AIG1: variants seen among roughly 807,000 people sequenced by gnomAD.
AIG1 encodes the protein androgen-induced gene 1 protein.
In AIG1, 23 loss-of-function variants were observed where a neutral mutation model predicts 31.4. The observed-to-expected ratio is 0.73, with a 90% CI of 0.53 to 1.04. The LOEUF (loss-of-function observed/expected upper bound fraction) is 1.04, where lower values mean the gene tolerates loss of function less well. AIG1 is among the 50% of genes least tolerant of loss of function. AIG1 has a pLI of 0.00. For synonymous variants in AIG1, 100 were observed against 110.5 expected, an observed-to-expected ratio of 0.90 and a Z score of 0.60; for missense variants, 274 against 295.0, an observed-to-expected ratio of 0.93 and a Z score of 0.52.
chr6:143,187,479 A>T (rs946030490), intron 3 of AIG1: 1 of 1,535,642 alleles, frequency 6.5e-7, no homozygotes. Flanking sequence ...ACTCTGCTCA[A>T]TTGAAGACAT....
intron 3 of AIG1, among the ~76,000 whole-genome samples, chr6:143,277,379 G>T (rs562355182): frequency 7.5e-4 from 114 of 152,164 alleles, no homozygotes; most frequent in Admixed American, 1.9e-3. Flanking sequence ...TCCCATCTTC[G>T]TAGGCAAGTC....
chr6:143,081,099 C>T (rs1416744921), intron 1 of AIG1, among the ~76,000 whole-genome samples: 1 of 152,176 alleles, frequency 6.6e-6, no homozygotes, highest in African/African-American at 2.4e-5. Flanking sequence ...CTCATATGGA[C>T]TAAGTCCTGC....
chr6:143,161,102 G>A (rs1786333211), intron 2 of AIG1, among the ~76,000 whole-genome samples: 1 of 152,002 alleles, frequency 6.6e-6, no homozygotes, highest in Non-Finnish European at 1.5e-5. Flanking sequence ...TTTCCATGAT[G>A]GAATAGTAAG....
chr6:143,336,598 TG>T (rs1290776185), intron 5 of AIG1, among the ~76,000 whole-genome samples: 1 of 152,216 alleles, frequency 6.6e-6, no homozygotes, highest in Non-Finnish European at 1.5e-5. Context: ...TTTCAGCATA[TG>T]AATTTGGAAG....
rs578150684 is a variant in AIG1, at chr6:143,233,068, T to G, written c.400-51042T>G. 4.6e-5 allele frequency among the ~76,000 whole-genome samples: 7 copies of G among 152,194 alleles called. No homozygotes were observed. The South Asian group carries it at 1.5e-3, about 32-fold the overall frequency. On this transcript the variant is annotated intron_variant, in intron 3 of 5. Transcript: ENST00000357847. ...CCACCACCAGAGGGAGGTATTGCCC[T>G]CTCTGGTGGAGTTGATATCCATGAG...
At position 143,273,889 on chromosome 6, in the gene AIG1, A is replaced by G. The variant is rs376395489; in HGVS notation, c.400-10221A>G. Among the ~76,000 whole-genome samples, 7 of 152,288 alleles carry G rather than the reference A, an allele frequency of 4.6e-5. No homozygotes were observed. The South Asian group carries it at 6.2e-4, about 14-fold the overall frequency. On this transcript the variant is annotated intron_variant, in intron 3 of 5. Coordinates refer to ENST00000357847, the MANE Select transcript of AIG1 (RefSeq NM_016108.4). ...AATTGGGTGAGGACACAGCCAAACC[A>G]TATCAGTTTCCAAAATACTATTAAG...
intron 5 of AIG1, chr6:143,335,277 T>G: frequency 2.1e-6 from 1 of 487,222 alleles, no homozygotes; most frequent in Non-Finnish European, 3.3e-6. Context: ...CTCATGCCTG[T>G]AATCCCGGCA....
intron 3 of AIG1, among the ~76,000 whole-genome samples, chr6:143,265,260 G>T (rs904365414): frequency 6.6e-6 from 1 of 152,216 alleles, no homozygotes; most frequent in African/African-American, 2.4e-5. Flanking sequence ...AGATACTGAA[G>T]TTGGTTGTGC....
At chr6:143,166,402 C>A (rs1056403813) in intron 3 of AIG1, among the ~76,000 whole-genome samples, 3 of 152,186 alleles carry the variant, frequency 2.0e-5, no homozygotes, top group African/African-American at 7.2e-5. Flanking sequence ...CATGGCTTTG[C>A]AATCTCCTGC....
At chr6:143,097,686 A>G (rs1227847856) in intron 1 of AIG1, among the ~76,000 whole-genome samples, 1 of 151,988 alleles carries the variant, frequency 6.6e-6, no homozygotes, top group Non-Finnish European at 1.5e-5. Flanking sequence ...TCCCTCTCTA[A>G]TCCTCTCACT....
chr6:143,090,751 G>T (rs990412302), intron 1 of AIG1, among the ~76,000 whole-genome samples: 2 of 152,184 alleles, frequency 1.3e-5, no homozygotes, highest in Admixed American at 1.3e-4. Context: ...GGAGGCTCTT[G>T]CCTTGATGTT....
At chr6:143,316,209 A>G (rs946727216) in intron 4 of AIG1, among the ~76,000 whole-genome samples, 1 of 152,070 alleles carries the variant, frequency 6.6e-6, no homozygotes, top group African/African-American at 2.4e-5. Flanking sequence ...ATGGTGCAAA[A>G]TATCTGAGAA....
At position 143,333,494 on chromosome 6, in the gene AIG1, C is replaced by T. The variant is rs755410433; in HGVS notation, c.679+49C>T. 1 of 1,584,462 alleles carries T rather than the reference C, an allele frequency of 6.3e-7. No homozygotes were observed. The highest frequency in any genetic ancestry group is 8.6e-7 in the Non-Finnish European group (1 of 1,161,884). ...AAAACAAGAGAATTACTGCCGGCAA[C>T]AGTCTATGCAGAGACTGAGGGAAAA... On this transcript the variant is annotated intron_variant, in intron 5 of 5. Transcript: ENST00000357847. This position sits in a 1 kb window ranked among gnomAD's most constrained non-coding sequence, Gnocchi z 4.6.
At chr6:143,093,737 G>A (rs557713712) in intron 1 of AIG1, among the ~76,000 whole-genome samples, 85 of 152,284 alleles carry the variant, frequency 5.6e-4, no homozygotes, top group African/African-American at 2.0e-3. Flanking sequence ...AGAGGCCATT[G>A]TAGGGATATT....
At chr6:143,128,195 T>C (rs1782866894) in intron 1 of AIG1, among the ~76,000 whole-genome samples, 1 of 152,144 alleles carries the variant, frequency 6.6e-6, no homozygotes, top group Non-Finnish European at 1.5e-5. Context: ...AATTGTGCAT[T>C]TCAAAAAAGA....
intron 3 of AIG1, among the ~76,000 whole-genome samples, chr6:143,195,035 G>A (rs1015774320): frequency 1.3e-5 from 2 of 152,190 alleles, no homozygotes; most frequent in Admixed American, 1.3e-4. Context: ...CCCCTTGTTT[G>A]TGGGATTGTT....
chr6:143,194,031 C>A (rs1790007659), intron 3 of AIG1, among the ~76,000 whole-genome samples: 1 of 152,140 alleles, frequency 6.6e-6, no homozygotes, highest in Non-Finnish European at 1.5e-5. Flanking sequence ...GTAGGAGAGG[C>A]TGGAGAAAGT....
chr6:143,316,625 G>A (rs946571299), intron 4 of AIG1, among the ~76,000 whole-genome samples: 10 of 151,564 alleles, frequency 6.6e-5, no homozygotes, highest in South Asian at 2.1e-4. Flanking sequence ...ACCCAAACCC[G>A]GCACAAGAAA....
At position 143,333,197 on chromosome 6, in the gene AIG1, G is replaced by C; in HGVS notation, c.516-85G>C. 7.5e-7 allele frequency: 1 copy of C among 1,327,868 alleles called. No individual in the cohort carries two copies. The allele number at this position is 1,327,868 out of a possible 1,614,324, so 82.3% of individuals were successfully genotyped here. On this transcript the variant is annotated intron_variant, in intron 4 of 5. Coordinates refer to ENST00000357847, the MANE Select transcript of AIG1 (RefSeq NM_016108.4). This position sits in a 1 kb window ranked among gnomAD's most constrained non-coding sequence, Gnocchi z 4.6. ...AAATGCTGAAGCATGGGGAGAGTGA[G>C]GGAGTGTATATTTGCATCATAGCAG...
Sources: gnomAD v4.1 joint callset for allele counts (sites outside exome capture counted in the v4.1 genomes callset) on GRCh38, gnomAD v4.1.1 for gene constraint, Gnocchi (gnomAD v3.1) non-coding constraint, MANE v1.5 for transcripts, NCBI Gene and HGNC (gene_info 2026-07-23, HGNC 2026-07-21) for gene names.